Variants in RBFOX1 observed in about 807,000 individuals in gnomAD.
RBFOX1 encodes RNA binding protein fox-1 homolog 1.
In RBFOX1, 8 loss-of-function variants were observed where a neutral mutation model predicts 57.7. The observed-to-expected ratio is 0.14, with a 90% confidence interval of 0.08 to 0.25. The LOEUF is 0.25. RBFOX1 is among the 10% of genes least tolerant of loss of function. The pLI is 1.00. For synonymous variants in RBFOX1, 326 were observed against 222.4 expected, an observed-to-expected ratio of 1.47 and a Z score of -4.15; for missense variants, 611 against 548.5, an observed-to-expected ratio of 1.11 and a Z score of -1.14.
At chr16:5,903,332 C>G (rs1022765371) in intron 4 of RBFOX1, among the ~76,000 whole-genome samples, 2 of 152,204 alleles carry the variant, frequency 1.3e-5, no homozygotes, top group Non-Finnish European at 2.9e-5. Flanking sequence ...CAGTATCAAC[C>G]TGTCCTCTGA....
intron 4 of RBFOX1, among the ~76,000 whole-genome samples, chr16:7,370,138 C>G (rs956608288): frequency 1.1e-4 from 16 of 152,188 alleles, no homozygotes; most frequent in Admixed American, 9.8e-4. Flanking sequence ...TTGGCAGCAA[C>G]TCTGGACTCC....
intron 5 of RBFOX1, among the ~76,000 whole-genome samples, chr16:7,549,492 G>A (rs1395980290): frequency 6.6e-6 from 1 of 152,136 alleles, no homozygotes; most frequent in African/African-American, 2.4e-5. Context: ...AAGGAGAATT[G>A]ACTCACGTGA....
intron 3 of RBFOX1, among the ~76,000 whole-genome samples, chr16:6,906,215 G>T (rs902845413): frequency 1.3e-5 from 2 of 150,338 alleles, no homozygotes; most frequent in Admixed American, 1.3e-4. Context: ...CCATCCTATG[G>T]GCAACCCCAA....
chr16:5,349,684 A>C (rs1025002054), intron 1 of RBFOX1, among the ~76,000 whole-genome samples: 9 of 152,182 alleles, frequency 5.9e-5, no homozygotes, highest in Non-Finnish European at 2.9e-5. Context: ...AAGAAAAAAA[A>C]AACTTGTCAA....
chr16:6,657,111 CCCTCTCCTCTCCTCT>C (rs746674928), intron 3 of RBFOX1, among the ~76,000 whole-genome samples: 2 of 111,758 alleles, frequency 1.8e-5, no homozygotes, highest in Non-Finnish European at 3.4e-5. Flanking sequence ...TCCTCTCCTC[CCCTCTCCTCTCCTCT>C]CCTCTCCTCT....
At chr16:6,918,536 A>G (rs993063973) in intron 3 of RBFOX1, among the ~76,000 whole-genome samples, 3 of 152,162 alleles carry the variant, frequency 2.0e-5, no homozygotes, top group Non-Finnish European at 2.9e-5. Context: ...TCATGTTGCA[A>G]TTCCCTCCTG....
intron 2 of RBFOX1, among the ~76,000 whole-genome samples, chr16:6,627,204 T>C (rs72762954): frequency 6.6e-6 from 1 of 152,152 alleles, no homozygotes; most frequent in Admixed American, 6.5e-5. Flanking sequence ...CAGAGTAGTT[T>C]GGAGGATATT....
intron 6 of RBFOX1, among the ~76,000 whole-genome samples, chr16:7,583,837 A>G (rs911781943): frequency 2.0e-5 from 3 of 152,116 alleles, no homozygotes; most frequent in African/African-American, 7.2e-5. Flanking sequence ...ATCAAAAAAA[A>G]CCACACCAAA....
intron 3 of RBFOX1, among the ~76,000 whole-genome samples, chr16:6,999,227 TTA>T (rs1568300550): frequency 5.1e-5 from 7 of 138,026 alleles, no homozygotes; most frequent in Non-Finnish European, 9.6e-5. Context: ...TTTTTTTTAT[TTA>T]TTTTTTTTTT....
chr16:5,363,115 C>A (rs557240082), intron 1 of RBFOX1, among the ~76,000 whole-genome samples: 1 of 147,694 alleles, frequency 6.8e-6, no homozygotes, highest in South Asian at 2.1e-4. Context: ...CTCACTGCAA[C>A]CTCCACCTCC....
Position 7,710,793 on chromosome 16 carries a change from C to T in RBFOX1, c.*48C>T, listed in dbSNP as rs763216104. 6.8e-7 allele frequency: 1 copy of T among 1,460,722 alleles called. No homozygotes were observed. The highest frequency in any genetic ancestry group is 9.2e-7 in the Non-Finnish European group (1 of 1,089,562). The allele number at this position is 1,460,722 out of a possible 1,614,324, so 90.5% of individuals were successfully genotyped here. Reference sequence around the variant, plus strand: ...CCAATGTGGGGAGAAAGGAAGCTTTCCGAGGCCTGAGTATTGCAATACATG... The same window carrying T: ...CCAATGTGGGGAGAAAGGAAGCTTTTCGAGGCCTGAGTATTGCAATACATG... On this transcript the variant is annotated 3_prime_UTR_variant, in exon 16 of 16. Transcript: ENST00000550418.
chr16:6,486,509 A>C (rs1031220343), intron 2 of RBFOX1, among the ~76,000 whole-genome samples: 1 of 152,116 alleles, frequency 6.6e-6, no homozygotes, highest in African/African-American at 2.4e-5. Flanking sequence ...CTTAGTCTCA[A>C]AGTTATCAAA....
At chr16:6,797,981 G>A (rs773112015) in intron 3 of RBFOX1, among the ~76,000 whole-genome samples, 6 of 152,060 alleles carry the variant, frequency 3.9e-5, no homozygotes, top group African/African-American at 1.2e-4. Flanking sequence ...TGGTGATAGC[G>A]GTGATGGTGA....
intron 3 of RBFOX1, among the ~76,000 whole-genome samples, chr16:6,672,148 C>G (rs187483311): frequency 6.6e-6 from 1 of 152,136 alleles, no homozygotes; most frequent in Non-Finnish European, 1.5e-5. Flanking sequence ...GTAACATTAG[C>G]TAGAAATAGA....
intron 2 of RBFOX1, among the ~76,000 whole-genome samples, chr16:5,488,540 G>A (rs111208304): frequency 0.52 from 56,959 of 109,144 alleles, 14,666 homozygotes; most frequent in East Asian, 0.65. Context: ...GGTGTGGCGG[G>A]GTGTGATGGT....
intron 2 of RBFOX1, among the ~76,000 whole-genome samples, chr16:6,328,804 G>T (rs1174866574): frequency 1.3e-5 from 2 of 152,152 alleles, no homozygotes; most frequent in Non-Finnish European, 2.9e-5. Flanking sequence ...GACCCAAGGA[G>T]TATAGCTTGG....
chr16:5,356,678 T>G (rs1185902839), intron 1 of RBFOX1, among the ~76,000 whole-genome samples: 2 of 152,184 alleles, frequency 1.3e-5, no homozygotes, highest in African/African-American at 4.8e-5. Flanking sequence ...TCAGTCAAAG[T>G]TATGATGGGA....
At chr16:5,769,075 AG>A (rs2053888641) in intron 3 of RBFOX1, among the ~76,000 whole-genome samples, 1 of 152,130 alleles carries the variant, frequency 6.6e-6, no homozygotes, top group East Asian at 1.9e-4. Flanking sequence ...CAGGTCAAAA[AG>A]AAAAAAAAAA....
Position 5,518,677 on chromosome 16 carries a change from C to T in RBFOX1, c.258+51423C>T, listed in dbSNP as rs546482207. Among the ~76,000 whole-genome samples, 138 of 152,326 alleles carry T rather than the reference C, an allele frequency of 9.1e-4. 1 individual carries two copies. The Middle Eastern group carries it at 0.017, about 19-fold the overall frequency. ...GGGTTCTGGTTCTACCTCCATTCCTCTCCAGGGGTGCAACTCTAGGGAGTC... is the reference window on the plus strand; with the variant it reads ...GGGTTCTGGTTCTACCTCCATTCCTTTCCAGGGGTGCAACTCTAGGGAGTC... On this transcript the variant is annotated intron_variant, in intron 2 of 2. Coordinates refer to the RBFOX1 transcript ENST00000585867.
Sources: allele counts gnomAD v4.1 joint callset (sites outside exome capture counted in the v4.1 genomes callset), GRCh38; gene constraint gnomAD v4.1.1; transcripts MANE v1.5; gene names NCBI Gene and HGNC (gene_info 2026-07-23, HGNC 2026-07-21).